Variants in GCLC observed in about 807,000 individuals in gnomAD.
GCLC encodes the protein glutamate--cysteine ligase catalytic subunit.
In GCLC, 30 loss-of-function variants were observed where a neutral mutation model predicts 81.5. That is an observed-to-expected ratio of 0.37 (90% CI 0.28 to 0.50). The LOEUF (loss-of-function observed/expected upper bound fraction) is 0.50. Among genes scored for constraint, GCLC ranks in the 20% least tolerant of loss-of-function variants. The probability of loss-of-function intolerance (pLI) is 0.96; values close to 1 mark genes in which losing one functional copy is unlikely to be tolerated. For synonymous variants in GCLC, 262 were observed against 273.3 expected, an observed-to-expected ratio of 0.96 and a Z score of 0.41; for missense variants, 556 against 777.4, an observed-to-expected ratio of 0.72 and a Z score of 3.39.
At chr6:53,511,202 G>T (rs201203090) in intron 6 of GCLC, among the ~76,000 whole-genome samples, 11 of 40,198 alleles carry the variant, frequency 2.7e-4, no homozygotes, top group Admixed American at 1.9e-3. Flanking sequence ...AAAAAAAAGT[G>T]GGGGGGGGGT....
chr6:53,507,017 G>T lies in GCLC; in HGVS notation c.1093C>A (p.His365Asn), dbSNP rs1350041035. Reference sequence around the variant, plus strand: ...TGAGCAACATGCTGGGCCAGGAGATGATCAATGCCTGCAAAAAGAGATCAC... The same window carrying T: ...TGAGCAACATGCTGGGCCAGGAGATTATCAATGCCTGCAAAAAGAGATCAC... ...YEQLLQEGIDHLLAQHVAHLF... is the reference protein window; with the variant it reads ...YEQLLQEGIDNLLAQHVAHLF... Residue 365 changes from histidine to asparagine, a missense_variant, in exon 10 of 16, where the codon CAT becomes AAT. Transcript: ENST00000650454. 1.9e-6 allele frequency: 3 copies of T among 1,581,768 alleles called. No individual in the cohort carries two copies. The highest frequency in any genetic ancestry group is 2.2e-5 in the East Asian group (1 of 44,730).
chr6:53,541,478 C>T (rs1332516696), intron 1 of GCLC, among the ~76,000 whole-genome samples: 2 of 152,144 alleles, frequency 1.3e-5, no homozygotes, highest in African/African-American at 4.8e-5. Context: ...TTCTATACTC[C>T]ACCCAGAGAC....
intron 1 of GCLC, among the ~76,000 whole-genome samples, chr6:53,541,173 C>T (rs368831045): frequency 2.8e-4 from 43 of 152,226 alleles, no homozygotes; most frequent in African/African-American, 6.5e-4. Context: ...GCCGAGATCA[C>T]GTCATGCACT....
At chr6:53,542,351 G>C (rs1432283487) in intron 1 of GCLC, among the ~76,000 whole-genome samples, 1 of 152,052 alleles carries the variant, frequency 6.6e-6, no homozygotes, top group African/African-American at 2.4e-5. Flanking sequence ...TAAACCTATT[G>C]CAAATCTCTC....
intron 6 of GCLC, 30 bp downstream of exon 6, chr6:53,514,174 C>G: frequency 1.2e-6 from 2 of 1,609,882 alleles, no homozygotes; most frequent in Non-Finnish European, 1.7e-6. Context: ...GGATGGAACA[C>G]TTTGCCTCTC....
At chr6:53,511,114 T>G (rs1764730411) in intron 6 of GCLC, among the ~76,000 whole-genome samples, 1 of 151,182 alleles carries the variant, frequency 6.6e-6, no homozygotes, top group African/African-American at 2.4e-5. Flanking sequence ...GCGGGGATCT[T>G]TCTTCCCATT....
chr6:53,505,531 A>T (rs753000798), intron 11 of GCLC, 35 bp from the exon 12 acceptor site: 21 of 1,069,718 alleles, frequency 2.0e-5, no homozygotes, highest in Non-Finnish European at 3.1e-5. Flanking sequence ...GTTATGAACC[A>T]ACTACACAAA....
intron 1 of GCLC, among the ~76,000 whole-genome samples, chr6:53,541,785 T>C (rs1373923490): frequency 2.1e-4 from 32 of 152,188 alleles, no homozygotes. Context: ...GAACAAGAAA[T>C]GTGAAGGTAT....
intron 1 of GCLC, among the ~76,000 whole-genome samples, chr6:53,541,687 A>C (rs545238694): frequency 1.1e-4 from 16 of 152,314 alleles, no homozygotes; most frequent in Admixed American, 2.0e-4. Flanking sequence ...AGATCATAAA[A>C]CAGTAAAATG....
At chr6:53,523,583 A>G (rs1327663266) in intron 1 of GCLC, among the ~76,000 whole-genome samples, 1 of 152,208 alleles carries the variant, frequency 6.6e-6, no homozygotes, top group Non-Finnish European at 1.5e-5. Context: ...CTAGGTTCTC[A>G]GTCTTAAAAC....
chr6:53,516,163 G>T lies in GCLC; in HGVS notation c.506C>A (p.Ala169Asp). Residue 169 changes from alanine to aspartate, a missense_variant, in exon 4 of 16, where the codon GCT becomes GAT. Around this residue, in one of 3 missense-constraint regions of GCLC, gnomAD observed 234 missense variants for 303.8 expected, o/e 0.77. Coordinates refer to ENST00000650454, the MANE Select transcript of GCLC (RefSeq NM_001498.4). ...ATCTGGAAAGAAGAGGGACTTGGAAGCTCCTCCTTCCACTGGGTTGGGTTT... is the reference window on the plus strand; with the variant it reads ...ATCTGGAAAGAAGAGGGACTTGGAATCTCCTCCTTCCACTGGGTTGGGTTT... ...EVKPNPVEGG[A>D]SKSLFFPDEA... 1 of 1,613,822 alleles carries T rather than the reference G, an allele frequency of 6.2e-7. No individual in the cohort carries two copies. Among genetic ancestry groups the T allele is most frequent in the African/African-American group, 1.3e-5 (1 of 75,022 alleles).
rs538193991 is a variant in GCLC at position 53,506,689 on chromosome 6, G to T, written c.1197+224C>A. 52 of 522,612 alleles carry T rather than the reference G, an allele frequency of 1.0e-4. No homozygotes were observed. Among genetic ancestry groups the T allele is most frequent in the African/African-American group, 9.6e-4 (50 of 52,148 alleles). 32.4% of individuals were successfully genotyped at this position (522,612 alleles called of 1,614,324 possible). A position where few individuals can be genotyped will look rare whatever the true frequency, so the allele number is the denominator to read the frequency against. Reference sequence around the variant, plus strand: ...AAAATTAGAATCAGTGAGATAAACAGTAAGAATCGTAAAATAAGAGTACTT... The same window carrying T: ...AAAATTAGAATCAGTGAGATAAACATTAAGAATCGTAAAATAAGAGTACTT... On this transcript the variant is annotated intron_variant, in intron 10 of 15. Coordinates refer to ENST00000650454, the MANE Select transcript of GCLC (RefSeq NM_001498.4). The surrounding 1 kb of genome is among the most constrained non-coding windows in gnomAD (Gnocchi z 4.0).
chr6:53,518,174 G>C (rs945851978), intron 3 of GCLC, among the ~76,000 whole-genome samples: 2 of 151,990 alleles, frequency 1.3e-5, no homozygotes, highest in African/African-American at 4.8e-5. Flanking sequence ...CTAAATTACA[G>C]GTTTTTAGAA....
At chr6:53,524,762 C>A (rs577578337) in intron 1 of GCLC, among the ~76,000 whole-genome samples, 44 of 152,306 alleles carry the variant, frequency 2.9e-4, no homozygotes, top group African/African-American at 1.0e-3. Flanking sequence ...TTATTTTTTA[C>A]CAAATGAGCA....
At chr6:53,524,223 AG>A (rs1763044591) in intron 1 of GCLC, among the ~76,000 whole-genome samples, 1 of 152,208 alleles carries the variant, frequency 6.6e-6, no homozygotes, top group South Asian at 2.1e-4. Flanking sequence ...AGGTGGGCAA[AG>A]GGGCTCAGAG....
chr6:53,517,079 A>AATT lies in GCLC; in HGVS notation c.447-858_447-857insAAT, dbSNP rs372330233. 5.4e-3 allele frequency among the ~76,000 whole-genome samples: 562 copies of AATT among 104,420 alleles called. 16 individuals are homozygous for AATT. The East Asian group carries it at 0.061, about 11-fold the overall frequency. 68.5% of individuals were successfully genotyped at this position (104,420 alleles called of 152,430 possible). A position where few individuals can be genotyped will look rare whatever the true frequency, so the allele number is the denominator to read the frequency against. ...ACTAGCTCATATCTTTTAAAAAAAAATTTTTTTTTTTTTTTTTTTTTTTCT... is the reference window on the plus strand; with the variant it reads ...ACTAGCTCATATCTTTTAAAAAAAAAATTTTTTTTTTTTTTTTTTTTTTTTTCT... On this transcript the variant is annotated intron_variant, in intron 3 of 15. Coordinates refer to ENST00000650454, the MANE Select transcript of GCLC (RefSeq NM_001498.4).
At chr6:53,507,301 C>A (rs1298244375) in intron 9 of GCLC, among the ~76,000 whole-genome samples, 179 bp downstream of exon 9, 1 of 152,148 alleles carries the variant, frequency 6.6e-6, no homozygotes, top group Non-Finnish European at 1.5e-5. Flanking sequence ...TGCTAAAAAT[C>A]AAGAAAATCT....
At chr6:53,507,293 C>T (rs994386801) in intron 9 of GCLC, among the ~76,000 whole-genome samples, 187 bp downstream of exon 9, 1 of 152,100 alleles carries the variant, frequency 6.6e-6, no homozygotes, top group Non-Finnish European at 1.5e-5. Flanking sequence ...GCTCCTTTTG[C>T]TAAAAATCAA....
chr6:53,500,018 T>C, intron 15 of GCLC, 27 bp downstream of exon 15: 1 of 1,507,654 alleles, frequency 6.6e-7, no homozygotes, highest in South Asian at 1.1e-5. Context: ...GTCTATATTA[T>C]GAGATTAAGA....
Sources: allele counts gnomAD v4.1 joint callset (sites outside exome capture counted in the v4.1 genomes callset), GRCh38; gene constraint gnomAD v4.1.1; regional missense constraint gnomAD v4.1.1; non-coding constraint Gnocchi (gnomAD v3.1); transcripts MANE v1.5; gene names NCBI Gene and HGNC (gene_info 2026-07-23, HGNC 2026-07-21).